LIMD1: variants seen among roughly 807,000 people sequenced by gnomAD.
LIMD1 encodes LIM domain-containing protein 1.
In LIMD1, 23 loss-of-function variants were observed where a neutral mutation model predicts 58.4. The ratio of observed to expected loss-of-function variants is 0.39; its 90% confidence interval spans 0.28 to 0.56. The LOEUF (loss-of-function observed/expected upper bound fraction) is 0.56, where lower values mean the gene tolerates loss of function less well. LIMD1 is among the 20% of genes least tolerant of loss of function. The pLI is 0.57. For missense variants in LIMD1, 838 were observed against 855.5 expected, an observed-to-expected ratio of 0.98 and a Z score of 0.25; for synonymous variants, 334 against 345.5, an observed-to-expected ratio of 0.97 and a Z score of 0.37.
At chr3:45,647,584 C>T (rs1402568481) in intron 2 of LIMD1, among the ~76,000 whole-genome samples, 1 of 152,194 alleles carries the variant, frequency 6.6e-6, no homozygotes, top group East Asian at 1.9e-4. Flanking sequence ...ATTTGGATGC[C>T]AGCAGGGTCC....
intron 1 of LIMD1, among the ~76,000 whole-genome samples, chr3:45,615,713 G>A (rs1353887411): frequency 6.6e-6 from 1 of 151,744 alleles, no homozygotes; most frequent in Non-Finnish European, 1.5e-5. Context: ...CCATAGTCAC[G>A]CCTGTGTACT....
At chr3:45,646,714 G>T (rs1701911598) in intron 2 of LIMD1, among the ~76,000 whole-genome samples, 1 of 142,314 alleles carries the variant, frequency 7.0e-6, no homozygotes. Flanking sequence ...TTTTGAGACA[G>T]TCTCACTCTG....
At position 45,683,011 on chromosome 3, in the gene LIMD1, A is replaced by G. The variant is rs1157493534; in HGVS notation, c.*5952A>G. 1.3e-5 allele frequency: 2 copies of G among 152,266 alleles called. No homozygotes were observed. The highest frequency in any genetic ancestry group is 2.9e-5 in the Non-Finnish European group (2 of 68,146). The allele number at this position is 152,266 out of a possible 1,614,324, so 9.4% of individuals were successfully genotyped here. On this transcript the variant is annotated 3_prime_UTR_variant, in exon 8 of 8. Transcript: ENST00000273317. ...CATTCCTTGCCCCTTTTCCGCTTCT[A>G]GAGGCTGCCCATTTTCCTTGGCTTG...
At chr3:45,620,961 G>C (rs1329815407) in intron 1 of LIMD1, among the ~76,000 whole-genome samples, 4 of 152,298 alleles carry the variant, frequency 2.6e-5, no homozygotes, top group African/African-American at 9.6e-5. Flanking sequence ...ATGATGTACT[G>C]AGGAGGGTAC....
chr3:45,643,267 T>C (rs948140486), intron 2 of LIMD1, among the ~76,000 whole-genome samples: 9 of 151,996 alleles, frequency 5.9e-5, no homozygotes, highest in African/African-American at 2.2e-4. Context: ...GGTAGATCAC[T>C]TGAGGTCACG....
intron 1 of LIMD1, chr3:45,632,495 G>C: frequency 2.0e-6 from 2 of 985,278 alleles, no homozygotes; most frequent in Non-Finnish European, 2.4e-6. Flanking sequence ...CCTGGGCCTT[G>C]GAATGAAGTG....
chr3:45,656,438 G>T, intron 2 of LIMD1, among the ~76,000 whole-genome samples: 2 of 146,982 alleles, frequency 1.4e-5, no homozygotes, highest in Non-Finnish European at 1.5e-5. Context: ...AACCTCTTTA[G>T]CTTTTGTTTC....
chr3:45,645,785 T>C (rs1454794779), intron 2 of LIMD1, among the ~76,000 whole-genome samples: 2 of 152,100 alleles, frequency 1.3e-5, no homozygotes, highest in East Asian at 1.9e-4. Flanking sequence ...CTCTCAGCTC[T>C]TCTCTTAGAT....
At chr3:45,658,994 TATAAC>T (rs986712970) in intron 2 of LIMD1, among the ~76,000 whole-genome samples, 7 of 152,202 alleles carry the variant, frequency 4.6e-5, no homozygotes, top group Non-Finnish European at 8.8e-5. Flanking sequence ...CTTTTCACAT[TATAAC>T]ATAAGGGTTT....
intron 1 of LIMD1, among the ~76,000 whole-genome samples, chr3:45,633,452 T>G (rs1701756489): frequency 6.6e-6 from 1 of 152,204 alleles, no homozygotes; most frequent in Non-Finnish European, 1.5e-5. Flanking sequence ...CTCTAGTTAA[T>G]GATGGGGAGG....
chr3:45,660,430 T>TC (rs1553646196), intron 2 of LIMD1, among the ~76,000 whole-genome samples: 87 of 106,416 alleles, frequency 8.2e-4, no homozygotes, highest in African/African-American at 1.9e-3. Context: ...TTTTTTTTTT[T>TC]CCCGAGACGG....
intron 1 of LIMD1, among the ~76,000 whole-genome samples, chr3:45,606,073 T>C (rs1701465351): frequency 6.6e-6 from 1 of 152,254 alleles, no homozygotes. Flanking sequence ...TTACTAAAAT[T>C]GGTCTAGCAG....
intron 7 of LIMD1, among the ~76,000 whole-genome samples, chr3:45,676,395 G>A (rs1697673088): frequency 1.3e-5 from 2 of 149,774 alleles, no homozygotes; most frequent in Non-Finnish European, 3.0e-5. Context: ...GATATATGTT[G>A]TACGTGTGCC....
intron 1 of LIMD1, chr3:45,634,913 G>A (rs1045823477): frequency 5.9e-5 from 9 of 152,212 alleles, no homozygotes; most frequent in Non-Finnish European, 1.2e-4. Context: ...GGGTAGGTGG[G>A]AGGCTCAAGG....
chr3:45,610,481 T>G (rs1038572299), intron 1 of LIMD1, among the ~76,000 whole-genome samples: 3 of 152,160 alleles, frequency 2.0e-5, no homozygotes, highest in Admixed American at 1.3e-4. Flanking sequence ...GGATAGAAAC[T>G]TATAGAGTTC....
chr3:45,601,630 G>T (rs1416055147), intron 1 of LIMD1, among the ~76,000 whole-genome samples: 1 of 152,192 alleles, frequency 6.6e-6, no homozygotes, highest in East Asian at 1.9e-4. Context: ...TGCTTTGTGG[G>T]CCTTGTTGGC....
intron 1 of LIMD1, among the ~76,000 whole-genome samples, chr3:45,628,059 G>A (rs1299610332): frequency 6.6e-6 from 1 of 151,630 alleles, no homozygotes; most frequent in African/African-American, 2.4e-5. Flanking sequence ...CAAGACACTG[G>A]ACATCAAGAA....
rs1388485036 is a variant in LIMD1, at chr3:45,682,873, C to G, written c.*5814C>G. Reference sequence around the variant, plus strand: ...TCCTATGGCCACTCTTAACAAATTACCACAACCTCAGTGGCTTAAAACAAC... The same window carrying G: ...TCCTATGGCCACTCTTAACAAATTAGCACAACCTCAGTGGCTTAAAACAAC... On this transcript the variant is annotated 3_prime_UTR_variant, in exon 8 of 8. Transcript: ENST00000273317. The G allele has an allele frequency of 6.6e-6, 1 of 152,276 alleles. No homozygotes were observed. Among genetic ancestry groups the G allele is most frequent in the Admixed American group, 6.5e-5 (1 of 15,284 alleles). The allele number at this position is 152,276 out of a possible 1,614,324, so 9.4% of individuals were successfully genotyped here. A position where few individuals can be genotyped will look rare whatever the true frequency, so the allele number is the denominator to read the frequency against.
chr3:45,611,814 TAGA>T (rs769111603), intron 1 of LIMD1, among the ~76,000 whole-genome samples: 1 of 152,162 alleles, frequency 6.6e-6, no homozygotes, highest in Non-Finnish European at 1.5e-5. Context: ...AGAGGTCAGT[TAGA>T]AGCCATGAAT....
Sources: allele counts gnomAD v4.1 joint callset (sites outside exome capture counted in the v4.1 genomes callset), GRCh38; gene constraint gnomAD v4.1.1; transcripts MANE v1.5; gene names NCBI Gene and HGNC (gene_info 2026-07-23, HGNC 2026-07-21).